Variants in AMPH observed in about 807,000 individuals in gnomAD.
The protein encoded by AMPH is amphiphysin (Stiff-Mann syndrome with breast cancer 128kD autoantigen).
Under a neutral mutation model 99.1 loss-of-function variants are expected in AMPH, and 49 were observed. The observed-to-expected ratio is 0.49, with a 90% CI of 0.39 to 0.63. The LOEUF (loss-of-function observed/expected upper bound fraction) is 0.63. Among genes scored for constraint, AMPH ranks in the 20% least tolerant of loss-of-function variants. The pLI is 0.00. For missense variants in AMPH, 759 were observed against 863.4 expected (o/e 0.88, Z 1.52); for synonymous variants, 314 against 317.3 (o/e 0.99, Z 0.11).
chr7:38,402,665 T>C (rs1231093219), intron 17 of AMPH, among the ~76,000 whole-genome samples: 1 of 152,212 alleles, frequency 6.6e-6, no homozygotes, highest in African/African-American at 2.4e-5. Context: ...CCTGGATGCT[T>C]CAGAAAGGAA....
At chr7:38,535,463 A>G (rs1790563821) in intron 1 of AMPH, among the ~76,000 whole-genome samples, 1 of 152,190 alleles carries the variant, frequency 6.6e-6, no homozygotes, top group African/African-American at 2.4e-5. Flanking sequence ...TTTTGGCACC[A>G]GGGACCAGTT....
chr7:38,612,384 T>C (rs1793719390), intron 1 of AMPH, among the ~76,000 whole-genome samples: 1 of 152,080 alleles, frequency 6.6e-6, no homozygotes, highest in South Asian at 2.1e-4. Flanking sequence ...CCTGTTTTTG[T>C]CTTTTTACAA....
At chr7:38,492,457 A>G (rs369731178) in intron 4 of AMPH, among the ~76,000 whole-genome samples, 6 of 151,930 alleles carry the variant, frequency 3.9e-5, no homozygotes, top group African/African-American at 9.7e-5. Context: ...TATGTGACAC[A>G]TAAGTTTTCA....
intron 3 of AMPH, among the ~76,000 whole-genome samples, chr7:38,498,240 C>T (rs879335831): frequency 2.0e-5 from 3 of 152,144 alleles, no homozygotes; most frequent in Non-Finnish European, 2.9e-5. Flanking sequence ...TCCTTCCCTG[C>T]CCACTGCCCT....
intron 18 of AMPH, chr7:38,392,591 G>T (rs190013570): frequency 0.021 from 3,162 of 152,666 alleles, 46 homozygotes; most frequent in South Asian, 0.047. Flanking sequence ...TTCACCGTGT[G>T]AGCCAAGATG....
At position 38,591,856 on chromosome 7, in the gene AMPH, G is replaced by A. The variant is rs148612052; in HGVS notation, c.69+39427C>T. On this transcript the variant is annotated intron_variant, in intron 1 of 20. Transcript: ENST00000356264. ...CATTCACATTTCTCTGATGTCTTTCGCTGCACATATTGCTGAGACCAGCTT... is the reference window on the plus strand; with the variant it reads ...CATTCACATTTCTCTGATGTCTTTCACTGCACATATTGCTGAGACCAGCTT... Among the ~76,000 whole-genome samples the A allele has an allele frequency of 5.3e-5, 8 of 152,196 alleles. No homozygotes were observed. The East Asian group carries it at 1.2e-3, about 22-fold the overall frequency.
chr7:38,525,310 A>AGG (rs1790138476), intron 2 of AMPH, among the ~76,000 whole-genome samples: 1 of 132,164 alleles, frequency 7.6e-6, no homozygotes, highest in African/African-American at 2.9e-5. Context: ...AGAGAGAGAG[A>AGG]GAGGGAGCCT....
intron 20 of AMPH, among the ~76,000 whole-genome samples, 185 bp downstream of exon 20, chr7:38,389,619 C>G (rs1584025931): frequency 6.6e-6 from 1 of 152,190 alleles, no homozygotes; most frequent in East Asian, 1.9e-4. Context: ...AAGAATGCAA[C>G]AGCATCCCAA....
Position 38,422,451 on chromosome 7 carries a change from C to G in AMPH, c.1242G>C (p.Met414Ile). The G allele has an allele frequency of 6.2e-7, 1 of 1,613,626 alleles. No homozygotes were observed. Among genetic ancestry groups the G allele is most frequent in the Non-Finnish European group, 8.5e-7 (1 of 1,179,744 alleles). ...TQPQDTSLFT[M>I]QTDQSMICNL... ...TGCAGATCATACTCTGGTCTGTCTG[C>G]ATTGTGAATAATGAAGTATCCTGGG... is the stretch of plus-strand genomic sequence containing the variant. The change falls in exon 16 of 21, where the codon ATG (methionine) becomes ATC (isoleucine). Residue 414 changes from methionine to isoleucine, a missense_variant. Physicochemically the swap from Met to Ile is conservative, Grantham distance 10. Around this residue, in one of 2 missense-constraint regions of AMPH, gnomAD observed 554 missense variants for 575.6 expected, o/e 0.96. Coordinates refer to ENST00000356264, the MANE Select transcript of AMPH (RefSeq NM_001635.4).
intron 17 of AMPH, among the ~76,000 whole-genome samples, chr7:38,405,507 G>T (rs1784958864): frequency 6.6e-6 from 1 of 152,136 alleles, no homozygotes; most frequent in African/African-American, 2.4e-5. Context: ...GGCTGGAAAT[G>T]ATATATGATG....
chr7:38,602,538 C>T (rs71548625), intron 1 of AMPH, among the ~76,000 whole-genome samples: 20,689 of 152,154 alleles, frequency 0.14, 1,399 homozygotes, highest in Middle Eastern at 0.2. Context: ...TTCATGGTCG[C>T]ATCTCCTTCT....
In AMPH at chr7:38,420,139, C is replaced by G. The variant is rs191207617; in HGVS notation, c.1273-2189G>C. ...GAAATTTTACAATATGGCATTACAA[C>G]TTAACCTAAATTCCAGGAGGATAGT... On this transcript the variant is annotated intron_variant, in intron 16 of 20. Transcript: ENST00000356264. Among the ~76,000 whole-genome samples, 35 of 152,290 alleles carry G rather than the reference C, an allele frequency of 2.3e-4. No individual in the cohort carries two copies. The South Asian group carries it at 6.4e-3, about 28-fold the overall frequency.
chr7:38,578,812 T>A (rs1792341332), intron 1 of AMPH, among the ~76,000 whole-genome samples: 1 of 152,132 alleles, frequency 6.6e-6, no homozygotes. Context: ...AACAAACTCA[T>A]CACATGTCAA....
rs74590614 is a variant in AMPH at position 38,498,848 on chromosome 7, A to G, written c.206-4321T>C. Among the ~76,000 whole-genome samples, 618 of 152,322 alleles carry G rather than the reference A, an allele frequency of 4.1e-3. 6 individuals are homozygous for G. The highest frequency in any genetic ancestry group is 0.014 in the African/African-American group (600 of 41,564). On this transcript the variant is annotated intron_variant, in intron 3 of 20. Transcript: ENST00000356264. ...ATACATGAAGCACTTCTTTATATAA[A>G]TGCTGCTGCCTTTCCATGTTTCATC...
intron 1 of AMPH, among the ~76,000 whole-genome samples, chr7:38,631,046 G>T (rs1403051447): frequency 6.6e-6 from 1 of 152,140 alleles, no homozygotes; most frequent in Admixed American, 6.6e-5. Flanking sequence ...CGTCTCCGGG[G>T]CCAGGGTCTG....
chr7:38,573,014 A>C (rs1792107675), intron 1 of AMPH, among the ~76,000 whole-genome samples: 2 of 152,198 alleles, frequency 1.3e-5, no homozygotes, highest in African/African-American at 4.8e-5. Context: ...AGAGAATGAA[A>C]TATGTCATCA....
At chr7:38,436,549 G>A (rs1156315021) in intron 11 of AMPH, among the ~76,000 whole-genome samples, 161 bp from the exon 12 acceptor site, 2 of 152,150 alleles carry the variant, frequency 1.3e-5, no homozygotes, top group African/African-American at 4.8e-5. Flanking sequence ...CAGTCACTCA[G>A]CTAAATGCAG....
intron 2 of AMPH, among the ~76,000 whole-genome samples, chr7:38,531,723 T>C (rs866489476): frequency 6.6e-6 from 1 of 152,232 alleles, no homozygotes; most frequent in African/African-American, 2.4e-5. Flanking sequence ...TAAGCACTAC[T>C]TGAGTGTGGT....
chr7:38,614,016 C>T (rs1056890375), intron 1 of AMPH, among the ~76,000 whole-genome samples: 2 of 152,136 alleles, frequency 1.3e-5, no homozygotes, highest in Non-Finnish European at 2.9e-5. Flanking sequence ...CCCACCATGA[C>T]ATCCACATCC....
Sources: gnomAD v4.1 joint callset for allele counts (sites outside exome capture counted in the v4.1 genomes callset) on GRCh38, gnomAD v4.1.1 for gene constraint, gnomAD v4.1.1 regional missense constraint, MANE v1.5 for transcripts, NCBI Gene and HGNC (gene_info 2026-07-23, HGNC 2026-07-21) for gene names.